The following GRM5 variants were observed in gnomAD, a reference collection of about 807,000 sequenced individuals.
The protein encoded by GRM5 is glutamate metabotropic receptor 5, also known as metabotropic glutamate receptor 5.
A neutral mutation model predicts 83.1 loss-of-function variants in GRM5; 19 were observed. That is an observed-to-expected ratio of 0.23 (90% CI 0.16 to 0.34). The LOEUF is 0.34. Among genes scored for constraint, GRM5 ranks in the 10% least tolerant of loss-of-function variants. The pLI is 1.00. For synonymous variants in GRM5, 675 were observed against 633.6 expected (o/e 1.07, Z -0.98); for missense variants, 1,160 against 1,588.3 (o/e 0.73, Z 4.58).
At chr11:89,059,648 A>G (rs1008200214) in intron 1 of GRM5, among the ~76,000 whole-genome samples, 1 of 152,200 alleles carries the variant, frequency 6.6e-6, no homozygotes, top group Admixed American at 6.5e-5. Flanking sequence ...CACAATCCAT[A>G]GGGCAGTTGA....
intron 8 of GRM5, among the ~76,000 whole-genome samples, chr11:88,559,274 C>T (rs369637475): frequency 1.3e-5 from 2 of 152,096 alleles, no homozygotes; most frequent in African/African-American, 4.8e-5. Flanking sequence ...CAAGGAAATT[C>T]CTTGGCGGGG....
At chr11:88,724,593 G>A (rs562155796) in intron 3 of GRM5, among the ~76,000 whole-genome samples, 2 of 152,204 alleles carry the variant, frequency 1.3e-5, no homozygotes, top group East Asian at 3.9e-4. Context: ...TGAATGGATG[G>A]ATAATAACAA....
chr11:88,869,120 G>T (rs1406631796), intron 2 of GRM5, among the ~76,000 whole-genome samples: 1 of 151,686 alleles, frequency 6.6e-6, no homozygotes, highest in East Asian at 1.9e-4. Context: ...GATGGAAGCA[G>T]CCAATGTGGC....
intron 2 of GRM5, among the ~76,000 whole-genome samples, chr11:88,972,468 C>G (rs1251538399): frequency 6.6e-6 from 1 of 151,994 alleles, no homozygotes; most frequent in Non-Finnish European, 1.5e-5. Flanking sequence ...ATAATAATGA[C>G]CAGTTATAAT....
At chr11:88,566,959 T>C in intron 8 of GRM5, 94 bp downstream of exon 8, 1 of 780,630 alleles carries the variant, frequency 1.3e-6, no homozygotes, top group Non-Finnish European at 2.1e-6. Flanking sequence ...TGGTTTCATT[T>C]ACCCAGATTT....
At chr11:88,678,511 T>C (rs1940393990) in intron 3 of GRM5, among the ~76,000 whole-genome samples, 1 of 152,140 alleles carries the variant, frequency 6.6e-6, no homozygotes, top group Non-Finnish European at 1.5e-5. Flanking sequence ...AGCTCATACT[T>C]TCTCCTCCAT....
chr11:88,916,401 C>A (rs1945593455), intron 2 of GRM5, among the ~76,000 whole-genome samples: 1 of 152,082 alleles, frequency 6.6e-6, no homozygotes, highest in Non-Finnish European at 1.5e-5. Flanking sequence ...TAACTCAGTT[C>A]TGACTTGTCA....
intron 3 of GRM5, among the ~76,000 whole-genome samples, chr11:88,842,946 A>T (rs1010519369): frequency 1.1e-4 from 17 of 152,190 alleles, no homozygotes; most frequent in African/African-American, 3.9e-4. Context: ...TTCATATCTG[A>T]CATTTCCCAA....
At chr11:88,847,288 C>A (rs4753764) in intron 3 of GRM5, among the ~76,000 whole-genome samples, 62,414 of 151,884 alleles carry the variant, frequency 0.41, 12,977 homozygotes, top group East Asian at 0.5. Context: ...ATCATAAGGG[C>A]AATAATTATT....
At chr11:88,642,912 C>T (rs1939333299) in intron 4 of GRM5, among the ~76,000 whole-genome samples, 1 of 152,112 alleles carries the variant, frequency 6.6e-6, no homozygotes, top group Non-Finnish European at 1.5e-5. Flanking sequence ...TTTCCCTTAT[C>T]TTCCTGTCTT....
At chr11:88,654,533 C>T (rs531668235) in intron 3 of GRM5, among the ~76,000 whole-genome samples, 1 of 151,930 alleles carries the variant, frequency 6.6e-6, no homozygotes, top group African/African-American at 2.4e-5. Flanking sequence ...CAAGTAACCT[C>T]AAAGAGAGAA....
intron 3 of GRM5, among the ~76,000 whole-genome samples, chr11:88,731,141 A>G (rs1941798667): frequency 6.6e-6 from 1 of 152,140 alleles, no homozygotes; most frequent in Non-Finnish European, 1.5e-5. Flanking sequence ...TAATGGCTCC[A>G]GAAAGCTGAG....
At chr11:88,721,464 G>C (rs1941538181) in intron 3 of GRM5, among the ~76,000 whole-genome samples, 2 of 152,034 alleles carry the variant, frequency 1.3e-5, no homozygotes. Flanking sequence ...AATTTCTAAT[G>C]TTTACCAAGT....
intron 2 of GRM5, among the ~76,000 whole-genome samples, 179 bp from the exon 3 acceptor site, chr11:88,850,334 T>C (rs1418669972): frequency 2.0e-5 from 3 of 152,194 alleles, no homozygotes; most frequent in Non-Finnish European, 4.4e-5. Context: ...AAATTACAAT[T>C]GAACCACATT....
At chr11:88,864,939 A>G (rs889008175) in intron 2 of GRM5, among the ~76,000 whole-genome samples, 2 of 151,938 alleles carry the variant, frequency 1.3e-5, no homozygotes, top group African/African-American at 4.8e-5. Flanking sequence ...GGTTTTTGTC[A>G]TTGGTTTTAT....
intron 3 of GRM5, among the ~76,000 whole-genome samples, chr11:88,833,365 G>A (rs1037086185): frequency 6.6e-6 from 1 of 151,972 alleles, no homozygotes; most frequent in African/African-American, 2.4e-5. Context: ...ATAAATGGCC[G>A]ACAGGTACAT....
chr11:88,875,276 C>G (rs117698513), intron 2 of GRM5, among the ~76,000 whole-genome samples: 108 of 152,016 alleles, frequency 7.1e-4, no homozygotes, highest in Middle Eastern at 3.4e-3. Context: ...GTAGCAGATT[C>G]CATCTCAAAA....
intron 5 of GRM5, among the ~76,000 whole-genome samples, chr11:88,603,872 T>C (rs2135230345): frequency 6.6e-6 from 1 of 152,262 alleles, no homozygotes; most frequent in Middle Eastern, 3.4e-3. Context: ...TATAGACAGT[T>C]TTCCAAGCAC....
intron 4 of GRM5, among the ~76,000 whole-genome samples, chr11:88,636,396 C>T (rs1192140255): frequency 6.6e-6 from 1 of 152,024 alleles, no homozygotes; most frequent in Non-Finnish European, 1.5e-5. Flanking sequence ...CCTGTAATCC[C>T]AGATACTCAG....
Sources: gnomAD v4.1 joint callset for allele counts (sites outside exome capture counted in the v4.1 genomes callset) on GRCh38, gnomAD v4.1.1 for gene constraint, MANE v1.5 for transcripts, NCBI Gene and HGNC (gene_info 2026-07-23, HGNC 2026-07-21) for gene names.